CNTNAP4: variants seen among roughly 807,000 people sequenced by gnomAD.
CNTNAP4 encodes contactin associated protein family member 4.
Under a neutral mutation model 148.4 loss-of-function variants are expected in CNTNAP4, and 98 were observed. The ratio of observed to expected loss-of-function variants is 0.66; its 90% confidence interval spans 0.56 to 0.78. The LOEUF is 0.78. Among genes scored for constraint, CNTNAP4 ranks in the 30% least tolerant of loss-of-function variants. The pLI, the probability that CNTNAP4 is intolerant of heterozygous loss-of-function variation, is 0.00. For missense variants in CNTNAP4, 1,935 were observed against 1,565.6 expected, an observed-to-expected ratio of 1.24 and a Z score of -3.98; for synonymous variants, 730 against 565.1, an observed-to-expected ratio of 1.29 and a Z score of -4.14.
chr16:76,299,815 A>C (rs1448395190), intron 1 of CNTNAP4, among the ~76,000 whole-genome samples: 2 of 152,256 alleles, frequency 1.3e-5, no homozygotes. Flanking sequence ...CTATGCAGCC[A>C]TAAAAAATGA....
intron 1 of CNTNAP4, among the ~76,000 whole-genome samples, chr16:76,291,983 A>C (rs545784019): frequency 1.3e-5 from 2 of 152,322 alleles, no homozygotes; most frequent in Non-Finnish European, 2.9e-5. Context: ...AAGGTTTCAC[A>C]GTAGCCCATC....
intron 1 of CNTNAP4, among the ~76,000 whole-genome samples, chr16:76,308,490 C>A (rs977463775): frequency 1.3e-5 from 2 of 152,176 alleles, no homozygotes; most frequent in African/African-American, 4.8e-5. Context: ...CGTCAGGCAC[C>A]ATGGCTACTA....
intron 2 of CNTNAP4, among the ~76,000 whole-genome samples, chr16:76,341,479 G>T (rs1356290062): frequency 6.6e-6 from 1 of 152,172 alleles, no homozygotes; most frequent in East Asian, 1.9e-4. Flanking sequence ...AAACTGACCA[G>T]ATTTGGCAAC....
At chr16:76,475,615 T>C (rs978912350) in intron 10 of CNTNAP4, among the ~76,000 whole-genome samples, 3 of 152,230 alleles carry the variant, frequency 2.0e-5, no homozygotes, top group Admixed American at 6.5e-5. Context: ...TTCAATGTGA[T>C]AAAATGTTAT....
chr16:76,533,353 C>G (rs137886318), intron 17 of CNTNAP4, among the ~76,000 whole-genome samples: 1 of 151,866 alleles, frequency 6.6e-6, no homozygotes, highest in Non-Finnish European at 1.5e-5. Context: ...AGGGAAGGGG[C>G]ACAGAGATTT....
intron 8 of CNTNAP4, among the ~76,000 whole-genome samples, chr16:76,460,300 G>C (rs951742625): frequency 2.0e-5 from 3 of 151,348 alleles, no homozygotes; most frequent in African/African-American, 7.3e-5. Flanking sequence ...GTAGAGATAG[G>C]GTTTCTCCAT....
At chr16:76,400,820 G>A (rs915666619) in intron 3 of CNTNAP4, among the ~76,000 whole-genome samples, 3 of 152,074 alleles carry the variant, frequency 2.0e-5, no homozygotes, top group Admixed American at 6.6e-5. Flanking sequence ...GCTTGTTTTT[G>A]TAAGCTTTGT....
Position 76,309,777 on chromosome 16 carries a change from G to A in CNTNAP4, c.86-6636G>A, listed in dbSNP as rs145588222. 1.2e-4 allele frequency: 80 copies of A among 693,552 alleles called. No individual in the cohort carries two copies. The African/African-American group carries it at 1.2e-3, about 11-fold the overall frequency. 43.0% of individuals were successfully genotyped at this position (693,552 alleles called of 1,614,324 possible). The stretch of plus-strand genomic sequence containing the variant: ...CGGAGGGGGTGGTCCGGGCTTTCCC[G>A]TGCTATTCTCGTGATAGTGAGTAAG... On this transcript the variant is annotated intron_variant, in intron 1 of 23. Transcript: ENST00000611870.
chr16:76,529,538 T>G (rs1285131521), intron 17 of CNTNAP4, among the ~76,000 whole-genome samples: 1 of 152,222 alleles, frequency 6.6e-6, no homozygotes, highest in Non-Finnish European at 1.5e-5. Context: ...CGTAGAAGCT[T>G]CTTAAATTAG....
chr16:76,339,011 T>C (rs879901741), intron 2 of CNTNAP4, among the ~76,000 whole-genome samples: 7 of 152,212 alleles, frequency 4.6e-5, no homozygotes, highest in South Asian at 2.1e-4. Context: ...AGGATGAAAA[T>C]TGAGGGTAGT....
intron 17 of CNTNAP4, among the ~76,000 whole-genome samples, chr16:76,529,941 A>G (rs1387020056): frequency 1.3e-5 from 2 of 152,030 alleles, no homozygotes; most frequent in African/African-American, 4.8e-5. Context: ...TGCATAGGCT[A>G]AGCACAGGAA....
intron 23 of CNTNAP4, chr16:76,558,206 T>C (rs756106411): frequency 1.6e-4 from 42 of 270,538 alleles, no homozygotes; most frequent in Non-Finnish European, 2.7e-4. Flanking sequence ...TAGAGACATA[T>C]AGTTAATACC....
intron 17 of CNTNAP4, among the ~76,000 whole-genome samples, chr16:76,525,496 T>A (rs1391668477): frequency 6.8e-6 from 1 of 147,874 alleles, no homozygotes; most frequent in Non-Finnish European, 1.5e-5. Flanking sequence ...TAACTATATA[T>A]AGTTTTTATA....
chr16:76,536,313 C>T lies in CNTNAP4; in HGVS notation c.2995+529C>T, dbSNP rs370499678. 2.0e-4 allele frequency among the ~76,000 whole-genome samples: 30 copies of T among 152,002 alleles called. No homozygotes were observed. In the South Asian group the frequency reaches 2.5e-3, roughly 13 times the overall value. On this transcript the variant is annotated intron_variant, in intron 18 of 23. Transcript: ENST00000611870. ...CAGGTTCAAGCGATTCTCCTGCCTC[C>T]GCCTCCCGAGTAGCTGGGCTTACAG...
rs764614259 is a variant in CNTNAP4, at chr16:76,427,418, A to G, written c.391-34A>G. On this transcript the variant is annotated intron_variant, in intron 3 of 23. Coordinates refer to ENST00000611870, the MANE Select transcript of CNTNAP4 (RefSeq NM_033401.5). ...ACAAGCTGAAATGGATGTTCTCCAG[A>G]TACATTGATGTGCTTCTTTCCCTTT... 6 of 1,579,642 alleles carry G rather than the reference A, an allele frequency of 3.8e-6. No homozygotes were observed. In the East Asian group the frequency reaches 1.4e-4, roughly 36 times the overall value.
rs371809346 is a variant in CNTNAP4, at chr16:76,402,152, A to G, written c.391-25300A>G. The stretch of plus-strand genomic sequence containing the variant: ...CTTCTTTGTACATCTGGTAGAATTG[A>G]GCTGTGAATCCGTCTGGCCCTTTTT... On this transcript the variant is annotated intron_variant, in intron 3 of 23. Transcript: ENST00000611870. Among the ~76,000 whole-genome samples, 6 of 152,192 alleles carry G rather than the reference A, an allele frequency of 3.9e-5. No homozygotes were observed. In the East Asian group the frequency reaches 1.2e-3, roughly 29 times the overall value.
In CNTNAP4 at chr16:76,539,816, A is replaced by G. The variant is rs776257431; in HGVS notation, c.3318A>G (p.Ile1106Met). The G allele has an allele frequency of 2.5e-5, 40 of 1,600,980 alleles. No homozygotes were observed. The East Asian group carries it at 8.6e-4, about 34-fold the overall frequency. Residue 1106 changes from isoleucine (I) to methionine (M), a missense_variant, in exon 20 of 24, where the codon ATA becomes ATG. Physicochemically the swap from Ile to Met is conservative, Grantham distance 10 (BLOSUM62 1). Transcript: ENST00000611870. Reference sequence around the variant, plus strand: ...TGGCTGATGGACAACTTCACCACATAATGATTAACAGAGAAGAAGGAGTGG... The same window carrying G: ...TGGCTGATGGACAACTTCACCACATGATGATTAACAGAGAAGAAGGAGTGG... ...KNMADGQLHH[I>M]MINREEGVVF...
chr16:76,317,214 C>T (rs1317505248), intron 2 of CNTNAP4, among the ~76,000 whole-genome samples: 2 of 133,320 alleles, frequency 1.5e-5, no homozygotes, highest in Non-Finnish European at 3.0e-5. Context: ...GATTGTGCCA[C>T]TGAACTAGAG....
chr16:76,363,454 G>A (rs553897779), intron 3 of CNTNAP4, among the ~76,000 whole-genome samples: 5 of 152,004 alleles, frequency 3.3e-5, no homozygotes, highest in Admixed American at 1.3e-4. Context: ...GAGATACTGC[G>A]CCCAGCCTGG....
Sources: gnomAD v4.1 joint callset for allele counts (sites outside exome capture counted in the v4.1 genomes callset) on GRCh38, gnomAD v4.1.1 for gene constraint, MANE v1.5 for transcripts, NCBI Gene and HGNC (gene_info 2026-07-23, HGNC 2026-07-21) for gene names.